LDHC: variants seen among roughly 807,000 people sequenced by gnomAD.
The protein encoded by LDHC is L-lactate dehydrogenase C chain.
LDHC carries 20 observed loss-of-function variants against 30.2 expected under a neutral mutation model. The observed-to-expected ratio is 0.66, with a 90% CI of 0.47 to 0.96. The LOEUF is 0.96. Ranked by LOEUF, LDHC falls within the 40% of genes least tolerant of loss-of-function variation. The pLI is 0.00. For synonymous variants in LDHC, 139 were observed against 132.7 expected (o/e 1.05, Z -0.32); for missense variants, 362 against 394.9 (o/e 0.92, Z 0.71).
intron 3 of LDHC, among the ~76,000 whole-genome samples, chr11:18,429,158 G>A (rs769765814): frequency 7.6e-6 from 1 of 131,428 alleles, no homozygotes; most frequent in Non-Finnish European, 1.6e-5. Flanking sequence ...GTCTTGCCAG[G>A]CTGGAGTGCA....
chr11:18,413,961 G>A (rs113143983), intron 2 of LDHC, among the ~76,000 whole-genome samples: 2,096 of 152,288 alleles, frequency 0.014, 52 homozygotes, highest in African/African-American at 0.047. Context: ...AGGTACTACC[G>A]GATTCTGAAG....
At chr11:18,423,412 C>T (rs949907870) in intron 3 of LDHC, among the ~76,000 whole-genome samples, 4 of 152,016 alleles carry the variant, frequency 2.6e-5, no homozygotes, top group South Asian at 2.1e-4. Context: ...AATTAGGAGA[C>T]AATATAAAAG....
chr11:18,434,239 G>T (rs1300724791), intron 4 of LDHC, among the ~76,000 whole-genome samples: 25 of 137,952 alleles, frequency 1.8e-4, no homozygotes, highest in Non-Finnish European at 1.1e-4. Flanking sequence ...TTATTTCCTT[G>T]CATTGGGCTT....
intron 5 of LDHC, 45 bp from the exon 6 acceptor site, chr11:18,438,483 G>A (rs771121001): frequency 8.2e-7 from 1 of 1,224,220 alleles, no homozygotes; most frequent in Non-Finnish European, 1.2e-6. Flanking sequence ...AACTCCTGAT[G>A]CCATATTGGG....
At chr11:18,437,691 G>C (rs1276958544) in intron 5 of LDHC, among the ~76,000 whole-genome samples, 2 of 149,444 alleles carry the variant, frequency 1.3e-5, no homozygotes, top group East Asian at 3.9e-4. Context: ...GGTGGAGCTT[G>C]CAGTGAGCCG....
chr11:18,442,107 A>G (rs769156594), intron 6 of LDHC, among the ~76,000 whole-genome samples: 19 of 152,178 alleles, frequency 1.2e-4, no homozygotes, highest in Non-Finnish European at 1.9e-4. Flanking sequence ...AATTCTCAAC[A>G]GTTCTTAATG....
At chr11:18,430,062 T>C in intron 4 of LDHC, 152 bp downstream of exon 4, 1 of 473,444 alleles carries the variant, frequency 2.1e-6, no homozygotes, top group Non-Finnish European at 3.7e-6. Context: ...ATGTAATCAC[T>C]CATGAAACTA....
chr11:18,448,449 A>AT lies in LDHC; in HGVS notation c.834+2122dup, dbSNP rs1386232238. 3.9e-5 allele frequency among the ~76,000 whole-genome samples: 6 copies of AT among 151,938 alleles called. No individual in the cohort carries two copies. The East Asian group carries it at 1.2e-3, about 29-fold the overall frequency. On this transcript the variant is annotated intron_variant, in intron 7 of 7. Transcript: ENST00000541669. ...CAGGCACGTGCCACCACGCCTGGCTATTTTTTGTATTTTTAGTAGAGAAGG... is the reference window on the plus strand; with the variant it reads ...CAGGCACGTGCCACCACGCCTGGCTATTTTTTTGTATTTTTAGTAGAGAAGG...
At chr11:18,420,818 A>G (rs1197562325) in intron 3 of LDHC, among the ~76,000 whole-genome samples, 1 of 152,066 alleles carries the variant, frequency 6.6e-6, no homozygotes, top group African/African-American at 2.4e-5. Context: ...GGACAGAGAA[A>G]ATGGTAAATA....
intron 6 of LDHC, among the ~76,000 whole-genome samples, chr11:18,442,835 A>G (rs1214005156): frequency 3.3e-5 from 5 of 151,360 alleles, no homozygotes; most frequent in Non-Finnish European, 7.4e-5. Context: ...GCTAGTTTTT[A>G]TATTTTTAGT....
intron 2 of LDHC, 56 bp downstream of exon 2, chr11:18,412,899 T>G: frequency 6.4e-7 from 1 of 1,558,548 alleles, no homozygotes; most frequent in East Asian, 2.2e-5. Flanking sequence ...CAGAGTGTTG[T>G]ATATGTCGAT....
chr11:18,423,261 A>G (rs1247699678), intron 3 of LDHC, among the ~76,000 whole-genome samples: 2 of 152,184 alleles, frequency 1.3e-5, no homozygotes, highest in Non-Finnish European at 2.9e-5. Flanking sequence ...TTGTTCATAG[A>G]AGTCTCAATA....
At chr11:18,439,678 C>T (rs1028751401) in intron 6 of LDHC, among the ~76,000 whole-genome samples, 2 of 148,666 alleles carry the variant, frequency 1.3e-5, no homozygotes, top group African/African-American at 5.0e-5. Flanking sequence ...AACAACCCTA[C>T]AAAAATGTGT....
chr11:18,449,005 G>A (rs925967899), intron 7 of LDHC, among the ~76,000 whole-genome samples: 6 of 152,114 alleles, frequency 3.9e-5, no homozygotes, highest in African/African-American at 1.2e-4. Context: ...GGCATGATGG[G>A]TGGACATGAA....
chr11:18,420,030 G>A (rs1368299232), intron 3 of LDHC, among the ~76,000 whole-genome samples: 2 of 152,170 alleles, frequency 1.3e-5, no homozygotes, highest in Admixed American at 6.5e-5. Flanking sequence ...GGCAGAGGTT[G>A]CAGTGAACTG....
At chr11:18,429,198 C>T (rs1018093487) in intron 3 of LDHC, among the ~76,000 whole-genome samples, 4 of 146,888 alleles carry the variant, frequency 2.7e-5, no homozygotes, top group Admixed American at 7.0e-5. Flanking sequence ...CTTCAACCTC[C>T]GCCTCCCAGG....
At chr11:18,419,488 A>C (rs957445592) in intron 3 of LDHC, among the ~76,000 whole-genome samples, 2 of 152,222 alleles carry the variant, frequency 1.3e-5, no homozygotes, top group African/African-American at 4.8e-5. Context: ...AATTCCAGAA[A>C]ACCTTAAGCA....
chr11:18,417,463 G>T (rs1287023835), intron 3 of LDHC, among the ~76,000 whole-genome samples: 2 of 152,090 alleles, frequency 1.3e-5, no homozygotes, highest in Admixed American at 1.3e-4. Flanking sequence ...GCATAATCAT[G>T]GTTCACTGCA....
chr11:18,431,434 C>A (rs1248404385), intron 4 of LDHC, among the ~76,000 whole-genome samples: 1 of 151,794 alleles, frequency 6.6e-6, no homozygotes, highest in African/African-American at 2.4e-5. Flanking sequence ...TGCATTCCAG[C>A]CTGGGCAACA....
Sources: allele counts gnomAD v4.1 joint callset (sites outside exome capture counted in the v4.1 genomes callset), GRCh38; gene constraint gnomAD v4.1.1; transcripts MANE v1.5; gene names NCBI Gene and HGNC (gene_info 2026-07-23, HGNC 2026-07-21).